KMT2C: variants seen among roughly 807,000 people sequenced by gnomAD.
KMT2C encodes the protein lysine methyltransferase 2C, also known as histone-lysine N-methyltransferase 2C.
Under a neutral mutation model 507.9 loss-of-function variants are expected in KMT2C, and 88 were observed. The ratio of observed to expected loss-of-function variants is 0.17; its 90% confidence interval spans 0.15 to 0.21. The LOEUF (loss-of-function observed/expected upper bound fraction) is 0.21. Ranked by LOEUF, KMT2C falls within the 10% of genes least tolerant of loss-of-function variation. The pLI is 1.00. For missense variants in KMT2C, 4,954 were observed against 5,957.8 expected, an observed-to-expected ratio of 0.83 and a Z score of 5.55; for synonymous variants, 2,049 against 2,080.8, an observed-to-expected ratio of 0.98 and a Z score of 0.42.
chr7:152,329,123 G>A (rs1476164375), intron 3 of KMT2C, among the ~76,000 whole-genome samples: 1 of 152,116 alleles, frequency 6.6e-6, no homozygotes, highest in East Asian at 1.9e-4. Flanking sequence ...TTCCCAGGGA[G>A]TGAACAGAGA....
intron 23 of KMT2C, among the ~76,000 whole-genome samples, chr7:152,217,055 G>A (rs2094602443): frequency 6.6e-6 from 1 of 152,122 alleles, no homozygotes; most frequent in Admixed American, 6.5e-5. Flanking sequence ...AACACCCAGA[G>A]TAGGTTTCAT....
In KMT2C at chr7:152,178,014, T is replaced by TTTA. The variant is rs758856993; in HGVS notation, c.7443-5_7443-4insTAA. The TTTA allele has an allele frequency of 2.7e-6, 3 of 1,129,710 alleles. No homozygotes were observed. Among genetic ancestry groups the TTTA allele is most frequent in the Middle Eastern group, 3.4e-4 (1 of 2,914 alleles). The allele number at this position is 1,129,710 out of a possible 1,614,324, so 70.0% of individuals were successfully genotyped here. On this transcript the variant is annotated splice_polypyrimidine_tract_variant and splice_region_variant and intron_variant, in intron 37 of 58. Transcript: ENST00000262189. ...ACTACCTCCTGGAAATCCAAATCTT[T>TTTA]TAAAAAAAAAAAAAAAAAAAAAAAA...
Position 152,154,312 on chromosome 7 carries a change from C to T in KMT2C, c.12094G>A (p.Val4032Met), listed in dbSNP as rs746689413. ...AGAATTGGAATGATGGGGGACGGCA[C>T]CGGTTCTGGAGGCTCCTCCTTGACC... Reference protein sequence around the residue: ...SLVKEEPPEPVPSPIIPILPS... With the variant: ...SLVKEEPPEPMPSPIIPILPS... The change falls in exon 47 of 59, where the codon GTG (valine) becomes ATG (methionine). Residue 4032 changes from valine (V) to methionine (M), a missense_variant. Around this residue, in one of 29 missense-constraint regions of KMT2C, gnomAD observed 417 missense variants for 461.1 expected, o/e 0.90. Transcript: ENST00000262189. 21 of 1,614,050 alleles carry T rather than the reference C, an allele frequency of 1.3e-5. No homozygotes were observed. Among genetic ancestry groups the T allele is most frequent in the Admixed American group, 5.0e-5 (3 of 60,002 alleles).
At chr7:152,245,514 T>C (rs1387982229) in intron 14 of KMT2C, among the ~76,000 whole-genome samples, 5 of 152,206 alleles carry the variant, frequency 3.3e-5, no homozygotes, top group Admixed American at 3.3e-4. Context: ...GTGTAACTAC[T>C]TGAAAATTTA....
chr7:152,227,526 C>G (rs892259514), intron 18 of KMT2C, among the ~76,000 whole-genome samples: 2 of 152,168 alleles, frequency 1.3e-5, no homozygotes, highest in Non-Finnish European at 2.9e-5. Flanking sequence ...ACAGTGGTCT[C>G]TGAGAGGAAG....
intron 1 of KMT2C, among the ~76,000 whole-genome samples, chr7:152,414,906 T>G (rs2097719158): frequency 6.6e-6 from 1 of 152,024 alleles, no homozygotes; most frequent in South Asian, 2.1e-4. Context: ...TAGAGTGCAG[T>G]GGCATGATCA....
At chr7:152,248,910 AG>A (rs1464834609) in intron 13 of KMT2C, among the ~76,000 whole-genome samples, 1 of 152,188 alleles carries the variant, frequency 6.6e-6, no homozygotes, top group Non-Finnish European at 1.5e-5. Flanking sequence ...TAAGAAAATG[AG>A]GATCAATCAT....
chr7:152,362,358 TA>T (rs1190952945), intron 1 of KMT2C, among the ~76,000 whole-genome samples: 5 of 151,806 alleles, frequency 3.3e-5, no homozygotes, highest in Non-Finnish European at 7.4e-5. Flanking sequence ...GAGTCAGCGG[TA>T]GGGGGTAAGA....
In KMT2C at chr7:152,152,557, CAG is replaced by C. The variant is rs1167133175; in HGVS notation, c.12526+146_12526+147del. The C allele has an allele frequency of 9.5e-6, 9 of 952,004 alleles. No homozygotes were observed. The East Asian group carries it at 2.0e-4, about 21-fold the overall frequency. 59.0% of individuals were successfully genotyped at this position (952,004 alleles called of 1,614,324 possible). On this transcript the variant is annotated intron_variant, in intron 49 of 58. Transcript: ENST00000262189. ...GAGGTCAAAATCACAGCACAGAAAA[CAG>C]AACACCCACACATGGTAAGTTCACC...
rs770408515 is a variant in KMT2C at position 152,148,237 on chromosome 7, G to C, written c.13690C>G (p.Gln4564Glu). 2 of 1,614,136 alleles carry C rather than the reference G, an allele frequency of 1.2e-6. No homozygotes were observed. The highest frequency in any genetic ancestry group is 2.7e-5 in the African/African-American group (2 of 74,958). The change falls in exon 52 of 59, where the codon CAG becomes GAG. Residue 4564 changes from glutamine to glutamate, a missense_variant. Coordinates refer to ENST00000262189, the MANE Select transcript of KMT2C (RefSeq NM_170606.3). The surrounding 1 kb of genome is among the most constrained non-coding windows in gnomAD (Gnocchi z 7.1). ...GGAGAATGGAATGCTTGCATCTGCTGTGGAAGCAGCTGACCAATTGTGTGG... is the reference window on the plus strand; with the variant it reads ...GGAGAATGGAATGCTTGCATCTGCTCTGGAAGCAGCTGACCAATTGTGTGG... ...IFHTIGQLLP[Q>E]QMQAFHSPKA...
intron 2 of KMT2C, among the ~76,000 whole-genome samples, chr7:152,348,161 C>T (rs1187291371): frequency 6.6e-6 from 1 of 152,304 alleles, no homozygotes; most frequent in African/African-American, 2.4e-5. Flanking sequence ...AATCTGAATA[C>T]GTCTATACCT....
Position 152,139,806 on chromosome 7 carries a change from G to T in KMT2C, c.14344-15C>A, listed in dbSNP as rs888520634. ...AGGCCCAGCCCCTAAAAAAAAGTGT[G>T]TACATACTTCCAATTTATGTGACAA... On this transcript the variant is annotated splice_polypyrimidine_tract_variant and intron_variant, in intron 55 of 58. Transcript: ENST00000262189. The T allele has an allele frequency of 1.3e-6, 2 of 1,561,154 alleles. No individual in the cohort carries two copies. The highest frequency in any genetic ancestry group is 1.8e-6 in the Non-Finnish European group (2 of 1,134,172).
intron 38 of KMT2C, among the ~76,000 whole-genome samples, chr7:152,174,843 T>C (rs1276851449): frequency 6.6e-6 from 1 of 152,202 alleles, no homozygotes; most frequent in African/African-American, 2.4e-5. Context: ...TTTGACTGCA[T>C]TGCTTTTGTT....
chr7:152,167,620 A>G (rs945252212), intron 41 of KMT2C, among the ~76,000 whole-genome samples: 2 of 152,266 alleles, frequency 1.3e-5, no homozygotes, highest in Non-Finnish European at 2.9e-5. Flanking sequence ...ACTTATAAAT[A>G]TTACAAATCC....
At chr7:152,313,259 T>TACTAAA (rs1223010357) in intron 4 of KMT2C, among the ~76,000 whole-genome samples, 1 of 151,960 alleles carries the variant, frequency 6.6e-6, no homozygotes, top group Non-Finnish European at 1.5e-5. Context: ...AGACCAACAG[T>TACTAAA]TCATCTATAA....
chr7:152,147,298 G>A (rs550299593), intron 52 of KMT2C, among the ~76,000 whole-genome samples: 2 of 152,066 alleles, frequency 1.3e-5, no homozygotes, highest in Non-Finnish European at 2.9e-5. Flanking sequence ...CTAAACTTAC[G>A]TAATATCTGA....
intron 1 of KMT2C, among the ~76,000 whole-genome samples, chr7:152,366,593 AG>A (rs1212150326): frequency 1.3e-5 from 2 of 152,246 alleles, no homozygotes; most frequent in East Asian, 3.8e-4. Context: ...GGCTGAGAGA[AG>A]GGAGAAACTG....
chr7:152,315,390 C>T (rs2096712888), intron 3 of KMT2C, 52 bp from the exon 4 acceptor site: 2 of 1,271,208 alleles, frequency 1.6e-6, no homozygotes, highest in African/African-American at 3.0e-5. Context: ...CTTTATTCAA[C>T]TGCTTTAAGC....
chr7:152,433,957 G>A (rs1241214322), intron 1 of KMT2C, among the ~76,000 whole-genome samples: 1 of 152,244 alleles, frequency 6.6e-6, no homozygotes, highest in East Asian at 1.9e-4. Context: ...GAATTCAAAT[G>A]CAAATTTAAA....
Sources: gnomAD v4.1 joint callset for allele counts (sites outside exome capture counted in the v4.1 genomes callset) on GRCh38, gnomAD v4.1.1 for gene constraint, gnomAD v4.1.1 regional missense constraint, Gnocchi (gnomAD v3.1) non-coding constraint, MANE v1.5 for transcripts, NCBI Gene and HGNC (gene_info 2026-07-23, HGNC 2026-07-21) for gene names.